Variants in ENTHD1 observed in about 807,000 individuals in gnomAD.
ENTHD1 encodes the protein ENTH domain-containing protein 1.
In ENTHD1, 23 loss-of-function variants were observed where a neutral mutation model predicts 39.1. The ratio of observed to expected loss-of-function variants is 0.59; its 90% CI spans 0.42 to 0.83. The LOEUF is 0.83. ENTHD1 is among the 40% of genes least tolerant of loss of function. ENTHD1 has a pLI of 0.00. For missense variants in ENTHD1, 624 were observed against 705.4 expected, an observed-to-expected ratio of 0.88 and a Z score of 1.31; for synonymous variants, 230 against 258.2, an observed-to-expected ratio of 0.89 and a Z score of 1.05.
At chr22:39,829,663 C>T (rs779972436) in intron 4 of ENTHD1, among the ~76,000 whole-genome samples, 3 of 151,758 alleles carry the variant, frequency 2.0e-5, no homozygotes, top group South Asian at 2.1e-4. Context: ...TGGTGGCAGG[C>T]GCCTATAGTA....
chr22:39,843,479 AGGGATAGCATT>A (rs1254723881), intron 3 of ENTHD1, among the ~76,000 whole-genome samples: 14 of 125,506 alleles, frequency 1.1e-4, no homozygotes, highest in Non-Finnish European at 5.1e-5. Context: ...GGGAGGGGGT[AGGGATAGCATT>A]GGGAGATATA....
chr22:39,846,626 C>T (rs1190651310), intron 3 of ENTHD1, among the ~76,000 whole-genome samples: 2 of 152,020 alleles, frequency 1.3e-5, no homozygotes, highest in Non-Finnish European at 2.9e-5. Context: ...TTAGGTCTAA[C>T]GTTTAAGTCC....
intron 6 of ENTHD1, among the ~76,000 whole-genome samples, chr22:39,764,826 G>A (rs1298766573): frequency 1.3e-5 from 2 of 151,634 alleles, no homozygotes; most frequent in Non-Finnish European, 2.9e-5. Context: ...ACATACACCC[G>A]TGTGTATGTG....
intron 5 of ENTHD1, among the ~76,000 whole-genome samples, chr22:39,785,155 A>C (rs556279324): frequency 2.6e-5 from 4 of 152,356 alleles, no homozygotes; most frequent in South Asian, 4.1e-4. Flanking sequence ...ATGATTAAAA[A>C]ATACAGCACA....
At chr22:39,814,556 G>A (rs2065719183) in intron 5 of ENTHD1, among the ~76,000 whole-genome samples, 1 of 152,120 alleles carries the variant, frequency 6.6e-6, no homozygotes, top group Non-Finnish European at 1.5e-5. Context: ...ATCAATGCAG[G>A]GTTGGTCATA....
intron 4 of ENTHD1, among the ~76,000 whole-genome samples, chr22:39,824,455 C>T (rs757927844): frequency 3.3e-5 from 5 of 151,914 alleles, no homozygotes; most frequent in Non-Finnish European, 7.4e-5. Context: ...GTGATCCGCC[C>T]GTCTCAGCCT....
chr22:39,847,367 T>A, intron 3 of ENTHD1, among the ~76,000 whole-genome samples: 1 of 88,248 alleles, frequency 1.1e-5, no homozygotes, highest in Non-Finnish European at 2.1e-5. Context: ...CTGGGGACTG[T>A]TGTGGGGTGG....
In ENTHD1 at chr22:39,866,122, CAGTT is replaced by C. The variant is rs568616214; in HGVS notation, c.350-4119_350-4116del. Among the ~76,000 whole-genome samples the C allele has an allele frequency of 1.9e-3, 295 of 152,296 alleles. 2 individuals carry two copies. Among genetic ancestry groups the C allele is most frequent in the Non-Finnish European group, 5.4e-4 (37 of 68,034 alleles). ...GGTGTGATGCCACGATTGGCAACCT[CAGTT>C]AGAGCACAACGGGGGCGTGAGGGTA... On this transcript the variant is annotated intron_variant, in intron 2 of 6. Coordinates refer to ENST00000325157, the MANE Select transcript of ENTHD1 (RefSeq NM_152512.4).
Position 39,861,817 on chromosome 22 carries a change from A to C in ENTHD1, c.540T>G (p.Ser180=). The C allele has an allele frequency of 6.3e-7, 1 of 1,592,034 alleles. No individual in the cohort carries two copies. Among genetic ancestry groups the C allele is most frequent in the East Asian group, 2.2e-5 (1 of 44,640 alleles). Residue 180 remains serine, a synonymous_variant, in exon 3 of 7, where the codon TCT becomes TCG. Coordinates refer to ENST00000325157, the MANE Select transcript of ENTHD1 (RefSeq NM_152512.4). ...GAAGCTTATACTTCTTCTCTGAAGC[A>C]GAAATATCCGGTGTGGGGGCAGAAG... ...ACTSAPTPDI[S]ASEKKYKLPK...
intron 4 of ENTHD1, among the ~76,000 whole-genome samples, chr22:39,833,304 T>TA (rs1409797438): frequency 6.6e-6 from 1 of 151,898 alleles, no homozygotes; most frequent in Admixed American, 6.6e-5. Flanking sequence ...TAGCAATACT[T>TA]AAAAAAAGCA....
intron 5 of ENTHD1, among the ~76,000 whole-genome samples, chr22:39,788,108 CAA>C (rs878957019): frequency 1.2e-4 from 19 of 152,078 alleles, no homozygotes; most frequent in African/African-American, 4.6e-4. Context: ...GCCCATGGAT[CAA>C]AAAGTCATTT....
intron 1 of ENTHD1, among the ~76,000 whole-genome samples, chr22:39,891,487 T>C (rs2066426431): frequency 6.6e-6 from 1 of 151,958 alleles, no homozygotes; most frequent in Non-Finnish European, 1.5e-5. Context: ...TTTTTTTTTT[T>C]TTTGAGATAA....
chr22:39,799,623 G>A (rs1353761392), intron 5 of ENTHD1, among the ~76,000 whole-genome samples: 1 of 152,190 alleles, frequency 6.6e-6, no homozygotes, highest in Admixed American at 6.5e-5. Flanking sequence ...CCCCTGCAGC[G>A]TAAGGTGTGA....
intron 2 of ENTHD1, among the ~76,000 whole-genome samples, chr22:39,879,068 G>C (rs1277701146): frequency 6.6e-6 from 1 of 151,790 alleles, no homozygotes; most frequent in African/African-American, 2.4e-5. Flanking sequence ...TGAGACGAAG[G>C]AGTGTTATCT....
chr22:39,821,107 T>A lies in ENTHD1; in HGVS notation c.718A>T (p.Met240Leu), dbSNP rs1463245422. The A allele has an allele frequency of 1.2e-6, 2 of 1,613,866 alleles. No individual in the cohort carries two copies. Among genetic ancestry groups the A allele is most frequent in the African/African-American group, 2.7e-5 (2 of 74,912 alleles). ...TCTGGATCATCATCCAAAAATGTCA[T>A]CAGGTCCTGACAGAAAACACAAGAA... is the stretch of plus-strand genomic sequence containing the variant. ...IHGWKSTEDLMTFLDDDPELP... is the reference protein window; with the variant it reads ...IHGWKSTEDLLTFLDDDPELP... The change falls in exon 5 of 7, where the codon ATG (methionine) becomes TTG (leucine). Residue 240 changes from methionine to leucine, a missense_variant. Coordinates refer to ENST00000325157, the MANE Select transcript of ENTHD1 (RefSeq NM_152512.4).
chr22:39,866,142 C>A (rs1016157237), intron 2 of ENTHD1, among the ~76,000 whole-genome samples: 7 of 152,184 alleles, frequency 4.6e-5, no homozygotes, highest in Admixed American at 1.3e-4. Flanking sequence ...ACAACGGGGG[C>A]GTGAGGGTAG....
intron 2 of ENTHD1, among the ~76,000 whole-genome samples, chr22:39,878,647 G>T (rs1048122559): frequency 2.0e-5 from 3 of 151,998 alleles, no homozygotes; most frequent in Admixed American, 6.6e-5. Context: ...AAAATTGAGG[G>T]AATTTGTGGC....
In ENTHD1 at chr22:39,750,127, G is replaced by T; in HGVS notation, c.1220-5844C>A. 3 of 205,890 alleles carry T rather than the reference G, an allele frequency of 1.5e-5. No homozygotes were observed. The South Asian group carries it at 3.0e-4, about 20-fold the overall frequency. 12.8% of individuals were successfully genotyped at this position (205,890 alleles called of 1,614,324 possible). A position where few individuals can be genotyped will look rare whatever the true frequency, so the allele number is the denominator to read the frequency against. On this transcript the variant is annotated intron_variant, in intron 6 of 6. Transcript: ENST00000325157. ...TTGCTTCATCAGTGTCTCTCATAGT[G>T]AATATTCTGGTGTTCCTATAGATCA... is the stretch of plus-strand genomic sequence containing the variant.
chr22:39,864,320 C>T lies in ENTHD1; in HGVS notation c.350-2313G>A, dbSNP rs1461329271. ...TCATCTACTTAGAGCCATGTTTTGG[C>T]TGTTGCTTCTGCCAGGAACTCTTTG... On this transcript the variant is annotated intron_variant, in intron 2 of 6. Transcript: ENST00000325157. Among the ~76,000 whole-genome samples the T allele has an allele frequency of 2.6e-5, 4 of 152,100 alleles. No homozygotes were observed. In the South Asian group the frequency reaches 6.2e-4, roughly 24 times the overall value.
Sources: allele counts gnomAD v4.1 joint callset (sites outside exome capture counted in the v4.1 genomes callset), GRCh38; gene constraint gnomAD v4.1.1; transcripts MANE v1.5; gene names NCBI Gene and HGNC (gene_info 2026-07-23, HGNC 2026-07-21).